SIDT2: variants seen among roughly 807,000 people sequenced by gnomAD.
The protein encoded by SIDT2 is SID1 transmembrane family member 2.
In SIDT2, 68 loss-of-function variants were observed where a neutral mutation model predicts 114.4. That is an observed-to-expected ratio of 0.59 (90% confidence interval 0.49 to 0.73). The LOEUF (loss-of-function observed/expected upper bound fraction) is 0.73, where lower values mean the gene tolerates loss of function less well. SIDT2 is among the 30% of genes least tolerant of loss of function. The pLI is 0.00. For synonymous variants in SIDT2, 470 were observed against 438.4 expected (o/e 1.07, Z -0.90); for missense variants, 918 against 1,097.1 (o/e 0.84, Z 2.31).
chr11:117,185,871 C>CAAAAA (rs34117588), intron 8 of SIDT2: 7 of 180,702 alleles, frequency 3.9e-5, no homozygotes, highest in African/African-American at 9.8e-5. Flanking sequence ...GAGCCCGTCT[C>CAAAAA]AAAAAAAAAA....
chr11:117,181,609 C>T (rs551891059), intron 2 of SIDT2, 72 bp downstream of exon 2: 217 of 1,602,416 alleles, frequency 1.4e-4, no homozygotes, highest in Middle Eastern at 8.9e-4. Flanking sequence ...CAACCAGGAG[C>T]CCCCCCATTT....
chr11:117,192,260 G>A lies in SIDT2; in HGVS notation c.1879G>A (p.Gly627Ser), dbSNP rs781417812. ...CTTGGTGGCCTCCCGACAGGTCTTT[G>A]GCAAAGGGAACACGGCGTTCTGGAT... ...IFFSVLGVVF[G>S]KGNTAFWIVF... The change falls in exon 20 of 26, where the codon GGC (glycine) becomes AGC (serine). Residue 627 changes from glycine to serine, a missense_variant. By Grantham distance (56) the Gly-to-Ser change is moderately conservative. This residue lies in a region of SIDT2 where 275 missense variants were observed against 397.6 expected (regional missense o/e 0.69). Transcript: ENST00000324225. This position sits in a 1 kb window ranked among gnomAD's most constrained non-coding sequence, Gnocchi z 5.9. The A allele has an allele frequency of 1.2e-6, 2 of 1,606,718 alleles. No homozygotes were observed. The highest frequency in any genetic ancestry group is 1.7e-6 in the Non-Finnish European group (2 of 1,173,422).
At position 117,182,281 on chromosome 11, in the gene SIDT2, A is replaced by G. The variant is rs114252300; in HGVS notation, c.516+176A>G. On this transcript the variant is annotated intron_variant, in intron 4 of 25. Coordinates refer to ENST00000324225, the MANE Select transcript of SIDT2 (RefSeq NM_001040455.2). ...TGAGGGACAGACAGCATGGGACTGT[A>G]CAGAGACATGGAGTCTGGTTGCCTC... The G allele has an allele frequency of 1.9e-3, 1,475 of 781,980 alleles. 11 individuals are homozygous for G. The African/African-American group carries it at 0.022, about 12-fold the overall frequency. 48.4% of individuals were successfully genotyped at this position (781,980 alleles called of 1,614,324 possible).
intron 8 of SIDT2, among the ~76,000 whole-genome samples, chr11:117,185,049 C>CT (rs34444006): frequency 0.059 from 8,042 of 135,526 alleles, 289 homozygotes; most frequent in Middle Eastern, 0.12. Context: ...CTCTCTCTCT[C>CT]TTTTTTTTTT....
In SIDT2 at chr11:117,181,858, C is replaced by A. The variant is rs777801093; in HGVS notation, c.357C>A (p.Pro119=). Residue 119 remains proline, a synonymous_variant, in exon 3 of 26, where the codon CCC becomes CCA. Coordinates refer to ENST00000324225, the MANE Select transcript of SIDT2 (RefSeq NM_001040455.2). ...YQKVERTLCQ[P]PTKNESEIQF... ...AAGTGGAACGAACCCTGTGTCAGCC[C>A]CCCACCAAGAATGAGTCGGAGATTC... is the stretch of plus-strand genomic sequence containing the variant. 5 of 1,614,204 alleles carry A rather than the reference C, an allele frequency of 3.1e-6. No individual in the cohort carries two copies. In the South Asian group the frequency reaches 4.4e-5, roughly 14 times the overall value.
In SIDT2 at chr11:117,187,382, C is replaced by A. The variant is rs945494947; in HGVS notation, c.1020C>A (p.His340Gln). The stretch of plus-strand genomic sequence containing the variant: ...GACCTTGACTTCTCATTGCAGGTCA[C>A]CCTCGAGTCCTGGCTGATTCTTTTC... ...AIDRACPESG[H>Q]PRVLADSFPG... The change falls in exon 11 of 26, where the codon CAC becomes CAA. Residue 340 changes from histidine to glutamine, a missense_variant. Around this residue, in one of 4 missense-constraint regions of SIDT2, gnomAD observed 553 missense variants for 600.1 expected, o/e 0.92. Transcript: ENST00000324225. 4 of 1,614,008 alleles carry A rather than the reference C, an allele frequency of 2.5e-6. No homozygotes were observed. Among genetic ancestry groups the A allele is most frequent in the Non-Finnish European group, 3.4e-6 (4 of 1,179,934 alleles).
At chr11:117,194,039 G>A (rs2030800218) in intron 24 of SIDT2, 76 bp downstream of exon 24, 14 of 1,200,982 alleles carry the variant, frequency 1.2e-5, no homozygotes, top group Non-Finnish European at 1.7e-5. Flanking sequence ...GCTGAGCCTG[G>A]GATTACCTGT....
chr11:117,192,580 G>A lies in SIDT2; in HGVS notation c.1988G>A (p.Gly663Glu), dbSNP rs749280511. ...YYMGRWKLDS[G>E]IFRRILHVLY... ...CACTCCCTTCTCTTCGCAGACTCGG[G>A]GATCTTCCGCCGCATCCTCCACGTG... is the stretch of plus-strand genomic sequence containing the variant. Residue 663 changes from glycine to glutamate, a missense_variant, in exon 21 of 26, where the codon GGG becomes GAG. By Grantham distance (98) the Gly-to-Glu change is moderately conservative. This residue lies in a region of SIDT2 where 275 missense variants were observed against 397.6 expected (regional missense o/e 0.69). Coordinates refer to ENST00000324225, the MANE Select transcript of SIDT2 (RefSeq NM_001040455.2). The surrounding 1 kb of genome is among the most constrained non-coding windows in gnomAD (Gnocchi z 5.9). The A allele has an allele frequency of 3.7e-6, 6 of 1,607,864 alleles. No homozygotes were observed. Among genetic ancestry groups the A allele is most frequent in the Non-Finnish European group, 5.1e-6 (6 of 1,179,502 alleles).
rs1159316663 is a variant in SIDT2 at position 117,190,705 on chromosome 11, A to G, written c.1700A>G (p.Tyr567Cys). 1 of 1,613,650 alleles carries G rather than the reference A, an allele frequency of 6.2e-7. No individual in the cohort carries two copies. The highest frequency in any genetic ancestry group is 8.5e-7 in the Non-Finnish European group (1 of 1,179,894). ...LMMEGLLSAC[Y>C]HVCPNYTNFQ... is the part of the protein sequence containing the mutation. ...ATGGAGGGGCTGCTCAGTGCTTGCT[A>G]TCATGTGTGCCCCAACTATACCAAT... Residue 567 changes from tyrosine (Y) to cysteine (C), a missense_variant, in exon 18 of 26, where the codon TAT becomes TGT. By Grantham distance (194) the Tyr-to-Cys change is radical. Coordinates refer to ENST00000324225, the MANE Select transcript of SIDT2 (RefSeq NM_001040455.2). This position sits in a 1 kb window ranked among gnomAD's most constrained non-coding sequence, Gnocchi z 4.1.
At chr11:117,180,481 C>T (rs1055651650) in intron 1 of SIDT2, among the ~76,000 whole-genome samples, 5 of 151,370 alleles carry the variant, frequency 3.3e-5, no homozygotes, top group Admixed American at 6.6e-5. Flanking sequence ...TTTAAGCTCC[C>T]ATTGTTTATA....
At position 117,186,602 on chromosome 11, in the gene SIDT2, G is replaced by A. The variant is rs538772152; in HGVS notation, c.981G>A (p.Leu327=). 2.5e-6 allele frequency: 4 copies of A among 1,571,908 alleles called. No homozygotes were observed. In the South Asian group the frequency reaches 4.8e-5, roughly 19 times the overall value. The change falls in exon 10 of 26, where the codon CTG becomes CTA. Residue 327 remains leucine (L), a synonymous_variant. Coordinates refer to ENST00000324225, the MANE Select transcript of SIDT2 (RefSeq NM_001040455.2). ...CATGCAGGCAGAAGAAGAAGACCCT[G>A]CTGGTGGCCATTGACCGAGCCTGCC... is the stretch of plus-strand genomic sequence containing the variant. The part of the protein sequence containing the change: ...WENWRQKKKT[L]LVAIDRACPE...
In SIDT2 at chr11:117,192,665, C is replaced by T; in HGVS notation, c.2058+15C>T. 1 of 1,612,848 alleles carries T rather than the reference C, an allele frequency of 6.2e-7. No homozygotes were observed. The highest frequency in any genetic ancestry group is 8.5e-7 in the Non-Finnish European group (1 of 1,179,988). On this transcript the variant is annotated intron_variant, in intron 21 of 25. Coordinates refer to ENST00000324225, the MANE Select transcript of SIDT2 (RefSeq NM_001040455.2). This position sits in a 1 kb window ranked among gnomAD's most constrained non-coding sequence, Gnocchi z 5.9. ...CGCTCTACGTGGTACCTGCCTGGTT[C>T]CCCTGCTCCATTCTCCACATCTCCT...
In SIDT2 at chr11:117,186,758, G is replaced by T. The variant is rs185086244; in HGVS notation, c.1015+122G>T. On this transcript the variant is annotated intron_variant, in intron 10 of 25. Transcript: ENST00000324225. ...TGGGGGTTTCTGGATGTTCAGATGG[G>T]GGTAACACTCCACAGATGGGAATGA... is the stretch of plus-strand genomic sequence containing the variant. 5 of 975,854 alleles carry T rather than the reference G, an allele frequency of 5.1e-6. No individual in the cohort carries two copies. The African/African-American group carries it at 8.2e-5, about 16-fold the overall frequency. The allele number at this position is 975,854 out of a possible 1,614,324, so 60.4% of individuals were successfully genotyped here.
intron 8 of SIDT2, among the ~76,000 whole-genome samples, chr11:117,184,492 ACATACCCTAATTT>A: frequency 6.6e-6 from 1 of 152,220 alleles, no homozygotes; most frequent in African/African-American, 2.4e-5. Context: ...ATATTCAGAA[ACATACCCTAATTT>A]GTCATTGAAA....
In SIDT2 at chr11:117,181,930, A is replaced by G; in HGVS notation, c.429A>G (p.Thr143=). The G allele has an allele frequency of 6.2e-7, 1 of 1,614,144 alleles. No individual in the cohort carries two copies. The highest frequency in any genetic ancestry group is 1.3e-5 in the African/African-American group (1 of 75,014). ...DVSTLSPVNT[T]YQLRVSRMDD... ...CCACCCTGTCACCAGTCAACACCACATACCAGCTCCGGGTCAGCCGCATGG... is the reference window on the plus strand; with the variant it reads ...CCACCCTGTCACCAGTCAACACCACGTACCAGCTCCGGGTCAGCCGCATGG... The change falls in exon 3 of 26, where the codon ACA becomes ACG. Residue 143 remains threonine, a synonymous_variant. Transcript: ENST00000324225.
chr11:117,196,037 G>A lies in SIDT2; in HGVS notation c.2470G>A (p.Val824Met). The change falls in exon 26 of 26, where the codon GTG (valine) becomes ATG (methionine). Residue 824 changes from valine to methionine, a missense_variant. Val to Met is a conservative substitution (Grantham distance 21). Transcript: ENST00000324225. The surrounding 1 kb of genome is among the most constrained non-coding windows in gnomAD (Gnocchi z 4.9). ...GACACTGGATGACGACCTGGATACT[G>A]TGCAGCGGGACAAGATCTATGTCTT... ...LLTLDDDLDT[V>M]QRDKIYVF is the part of the protein sequence containing the mutation. 1 of 1,614,250 alleles carries A rather than the reference G, an allele frequency of 6.2e-7. No individual in the cohort carries two copies. Among genetic ancestry groups the A allele is most frequent in the Non-Finnish European group, 8.5e-7 (1 of 1,180,048 alleles).
At chr11:117,182,346 A>T in intron 4 of SIDT2, 173 bp from the exon 5 acceptor site, 1 of 708,756 alleles carries the variant, frequency 1.4e-6, no homozygotes, top group Non-Finnish European at 2.4e-6. Flanking sequence ...GTTGAAGGGA[A>T]TGGTATACAG....
At chr11:117,186,002 G>T (rs1450387580) in intron 8 of SIDT2, 128 bp from the exon 9 acceptor site, 4 of 716,132 alleles carry the variant, frequency 5.6e-6, no homozygotes, top group African/African-American at 1.7e-5. Context: ...GCTAGGCAGG[G>T]CCTTACATTT....
rs374377472 is a variant in SIDT2 at position 117,192,249 on chromosome 11, G to A, written c.1873-5G>A. 127 of 1,592,008 alleles carry A rather than the reference G, an allele frequency of 8.0e-5. No homozygotes were observed. Among genetic ancestry groups the A allele is most frequent in the Non-Finnish European group, 9.7e-5 (113 of 1,160,118 alleles). ...TCACCGCTGCCCTTGGTGGCCTCCC[G>A]ACAGGTCTTTGGCAAAGGGAACACG... On this transcript the variant is annotated splice_polypyrimidine_tract_variant and splice_region_variant and intron_variant, in intron 19 of 25. Coordinates refer to ENST00000324225, the MANE Select transcript of SIDT2 (RefSeq NM_001040455.2). The surrounding 1 kb of genome is among the most constrained non-coding windows in gnomAD (Gnocchi z 5.9).
Sources: allele counts gnomAD v4.1 joint callset (sites outside exome capture counted in the v4.1 genomes callset), GRCh38; gene constraint gnomAD v4.1.1; regional missense constraint gnomAD v4.1.1; non-coding constraint Gnocchi (gnomAD v3.1); transcripts MANE v1.5; gene names NCBI Gene and HGNC (gene_info 2026-07-23, HGNC 2026-07-21).